NHS: variants seen among roughly 807,000 people sequenced by gnomAD.
The protein encoded by NHS is actin remodeling regulator NHS.
NHS carries 5 observed loss-of-function variants against 72.5 expected under a neutral mutation model. That is an observed-to-expected ratio of 0.07 (90% confidence interval 0.04 to 0.14). The LOEUF (loss-of-function observed/expected upper bound fraction) is 0.14, where lower values mean the gene tolerates loss of function less well. Among genes scored for constraint, NHS ranks in the 10% least tolerant of loss-of-function variants. The pLI is 1.00. For synonymous variants in NHS, 464 were observed against 547.7 expected (o/e 0.85, Z 2.13); for missense variants, 1,072 against 1,355.7 (o/e 0.79, Z 3.29).
At chrX:17,574,788 G>A (rs1036954375) in intron 1 of NHS, among the ~76,000 whole-genome samples, 6 of 111,328 alleles carry the variant, frequency 5.4e-5, no homozygotes, top group Admixed American at 4.7e-4. Context: ...CATCGATCTC[G>A]CTGGGAGCTG....
At chrX:17,589,967 G>A (rs531448146) in intron 1 of NHS, among the ~76,000 whole-genome samples, 3 of 111,602 alleles carry the variant, frequency 2.7e-5, no homozygotes, top group African/African-American at 6.5e-5. Context: ...GTGTTTGTTG[G>A]TCATTTGTAT....
chrX:17,653,401 T>G (rs189893863), intron 1 of NHS, among the ~76,000 whole-genome samples: 209 of 110,134 alleles, frequency 1.9e-3, no homozygotes, highest in African/African-American at 6.6e-3. Context: ...AAAGCCTATG[T>G]GGTTTTCTTT....
chrX:17,388,947 T>TA (rs376120610), intron 1 of NHS, among the ~76,000 whole-genome samples: 1,129 of 110,024 alleles, frequency 0.01, 14 homozygotes, highest in African/African-American at 0.035. Flanking sequence ...ATGCAACTCA[T>TA]ACAGAAGGGT....
In NHS at chrX:17,457,069, A is replaced by G. The variant is rs1003179313; in HGVS notation, c.565+80747A>G. Among the ~76,000 whole-genome samples the G allele has an allele frequency of 2.7e-5, 3 of 112,335 alleles. No homozygotes were observed. In the South Asian group the frequency reaches 1.1e-3, roughly 42 times the overall value. Reference sequence around the variant, plus strand: ...ATAATAATAATGCAAACAAAAATTAACAGTGAACATTTAACAACCCCTTTC... The same window carrying G: ...ATAATAATAATGCAAACAAAAATTAGCAGTGAACATTTAACAACCCCTTTC... On this transcript the variant is annotated intron_variant, in intron 1 of 8. Transcript: ENST00000676302.
chrX:17,376,033 C>T lies in NHS; in HGVS notation c.276C>T (p.Gly92=), dbSNP rs773142946. 9.2e-7 allele frequency: 1 copy of T among 1,081,242 alleles called. No individual in the cohort carries two copies. The highest frequency in any genetic ancestry group is 1.2e-6 in the Non-Finnish European group (1 of 837,188). 89.1% of individuals were successfully genotyped at this position (1,081,242 alleles called of 1,213,427 possible). A position where few individuals can be genotyped will look rare whatever the true frequency, so the allele number is the denominator to read the frequency against. The change falls in exon 1 of 9, where the codon GGC becomes GGT. Residue 92 remains glycine (G), a synonymous_variant. Coordinates refer to ENST00000676302, the MANE Select transcript of NHS (RefSeq NM_001291867.2). ...QPPHGEASVA[G]EESTAGIPEA... ...CGCACGGAGAGGCGTCCGTGGCTGG[C>T]GAGGAGAGCACGGCGGGGATCCCGG...
chrX:17,430,263 CTTTCTT>C lies in NHS; in HGVS notation c.565+53943_565+53948del, dbSNP rs2064683981. Among the ~76,000 whole-genome samples, 4 of 10,866 alleles carry C rather than the reference CTTTCTT, an allele frequency of 3.7e-4. No homozygotes were observed. In the South Asian group the frequency reaches 0.043, roughly 117 times the overall value. The allele number at this position is 10,866 out of a possible 115,157, so 9.4% of individuals were successfully genotyped here. ...CTCCCTCCCTCCCCTCTTTCTTTTTCTTTCTTTCTTTCTTTCTTTCTTTCTTTCTTT... is the reference window on the plus strand; with the variant it reads ...CTCCCTCCCTCCCCTCTTTCTTTTTCTCTTTCTTTCTTTCTTTCTTTCTTT... On this transcript the variant is annotated intron_variant, in intron 1 of 8. Coordinates refer to ENST00000676302, the MANE Select transcript of NHS (RefSeq NM_001291867.2).
At chrX:17,474,069 C>T (rs1209793716) in intron 1 of NHS, among the ~76,000 whole-genome samples, 1 of 111,400 alleles carries the variant, frequency 9.0e-6, no homozygotes. Flanking sequence ...TGCTCCTCTC[C>T]CTCCTCCCAC....
At chrX:17,669,977 G>A (rs1171973259) in intron 1 of NHS, among the ~76,000 whole-genome samples, 6 of 111,900 alleles carry the variant, frequency 5.4e-5, no homozygotes, top group Non-Finnish European at 1.9e-5. Context: ...TTGCTGAAAA[G>A]GCAGCTTGCC....
chrX:17,735,613 G>A lies in NHS; in HGVS notation c.*3149G>A, dbSNP rs1328765023. The A allele has an allele frequency of 8.9e-6, 1 of 112,569 alleles. No homozygotes were observed. The highest frequency in any genetic ancestry group is 3.2e-5 in the African/African-American group (1 of 30,824). The allele number at this position is 112,569 out of a possible 1,213,427, so 9.3% of individuals were successfully genotyped here. On this transcript the variant is annotated 3_prime_UTR_variant, in exon 9 of 9. Transcript: ENST00000676302. ...AGTGCATTTGCTGCAGTGGTGGCAC[G>A]TAGAGAACTAGATGGTAATAAAGAT...
At chrX:17,447,174 G>C (rs1489429156) in intron 1 of NHS, among the ~76,000 whole-genome samples, 3 of 111,565 alleles carry the variant, frequency 2.7e-5, no homozygotes, top group South Asian at 3.8e-4. Context: ...ATTGTCTACT[G>C]TCTTGATTTC....
At chrX:17,570,761 A>T (rs2065473664) in intron 1 of NHS, among the ~76,000 whole-genome samples, 1 of 111,594 alleles carries the variant, frequency 9.0e-6, no homozygotes, top group Non-Finnish European at 1.9e-5. Context: ...TTTCAAAGGG[A>T]ATGCTTCCAG....
At chrX:17,422,588 C>T (rs761443357) in intron 1 of NHS, among the ~76,000 whole-genome samples, 1 of 111,600 alleles carries the variant, frequency 9.0e-6, no homozygotes, top group Non-Finnish European at 1.9e-5. Flanking sequence ...CCCTGTTCTC[C>T]ACTCACTGGG....
chrX:17,498,647 C>G (rs1379888388), intron 1 of NHS, among the ~76,000 whole-genome samples: 3 of 111,580 alleles, frequency 2.7e-5, no homozygotes, highest in Non-Finnish European at 5.6e-5. Context: ...CATTTAGCCA[C>G]AGGTCCAATA....
chrX:17,404,957 A>ATAGGC (rs2064522229), intron 1 of NHS, among the ~76,000 whole-genome samples: 1 of 111,760 alleles, frequency 8.9e-6, no homozygotes, highest in African/African-American at 3.3e-5. Flanking sequence ...TATAGTCAGA[A>ATAGGC]TAGGCTAATT....
chrX:17,521,407 G>C (rs1393843680), intron 1 of NHS, among the ~76,000 whole-genome samples: 1 of 103,617 alleles, frequency 9.7e-6, no homozygotes, highest in Non-Finnish European at 1.9e-5. Context: ...TGTCAACCAG[G>C]CTGGAGTGCA....
intron 1 of NHS, among the ~76,000 whole-genome samples, chrX:17,526,001 T>A (rs2065171846): frequency 8.9e-6 from 1 of 111,946 alleles, no homozygotes; most frequent in Non-Finnish European, 1.9e-5. Context: ...CCCTAGTGTG[T>A]GTGTTCCTTG....
At chrX:17,442,865 A>G (rs1403378328) in intron 1 of NHS, among the ~76,000 whole-genome samples, 1 of 112,601 alleles carries the variant, frequency 8.9e-6, no homozygotes, top group Non-Finnish European at 1.9e-5. Flanking sequence ...AGATGGACAG[A>G]CAGTGACAAG....
At chrX:17,542,929 A>G (rs901200348) in intron 1 of NHS, among the ~76,000 whole-genome samples, 3 of 112,511 alleles carry the variant, frequency 2.7e-5, no homozygotes, top group Non-Finnish European at 1.9e-5. Context: ...ATAAGTAATA[A>G]CACAGTATAT....
rs563430678 is a variant in NHS, at chrX:17,397,635, C to T, written c.565+21313C>T. 4.5e-5 allele frequency among the ~76,000 whole-genome samples: 5 copies of T among 111,855 alleles called. No homozygotes were observed. The South Asian group carries it at 1.9e-3, about 42-fold the overall frequency. On this transcript the variant is annotated intron_variant, in intron 1 of 8. Transcript: ENST00000676302. The stretch of plus-strand genomic sequence containing the variant: ...CGTTGCTAAAAATGTAATTTGGAGC[C>T]CTGGCCTTCTGCTCATGGAGAAGGC...
Sources: gnomAD v4.1 joint callset for allele counts (sites outside exome capture counted in the v4.1 genomes callset) on GRCh38, gnomAD v4.1.1 for gene constraint, MANE v1.5 for transcripts, NCBI Gene and HGNC (gene_info 2026-07-23, HGNC 2026-07-21) for gene names.